The following MEI4 variants were observed in gnomAD, a reference collection of about 807,000 sequenced individuals.
MEI4 encodes the protein meiosis-specific protein MEI4.
In MEI4, 27 loss-of-function variants were observed where a neutral mutation model predicts 31.4. That is an observed-to-expected ratio of 0.86 (90% CI 0.63 to 1.19). The LOEUF is 1.19. Among genes scored for constraint, MEI4 ranks in the 50% most tolerant of loss-of-function variants. The probability of loss-of-function intolerance (pLI) is 0.00; values close to 1 mark genes in which losing one functional copy is unlikely to be tolerated. For synonymous variants in MEI4, 122 were observed against 145.4 expected, an observed-to-expected ratio of 0.84 and a Z score of 1.16; for missense variants, 329 against 398.9, an observed-to-expected ratio of 0.82 and a Z score of 1.49.
intron 3 of MEI4, among the ~76,000 whole-genome samples, chr6:77,771,665 C>G (rs778043971): frequency 6.6e-6 from 1 of 151,936 alleles, no homozygotes; most frequent in Non-Finnish European, 1.5e-5. Context: ...AGACCATTAT[C>G]CTTGGGAAAC....
At chr6:77,686,875 C>CTTTTTTTTTTTTTTTTTTTTTTTT (rs70974681) in intron 1 of MEI4, among the ~76,000 whole-genome samples, 3 of 132,484 alleles carry the variant, frequency 2.3e-5, no homozygotes, top group South Asian at 2.5e-4. Context: ...GTCTGTGGCT[C>CTTTTTTTTTTTTTTTTTTTTTTTT]TTTTTTTTTG....
intron 4 of MEI4, among the ~76,000 whole-genome samples, chr6:77,869,889 A>C: frequency 6.6e-6 from 1 of 152,150 alleles, no homozygotes; most frequent in East Asian, 1.9e-4. Flanking sequence ...GATGGGTAAA[A>C]GTGGGTACTC....
chr6:77,683,981 C>G (rs1769005596), intron 1 of MEI4, among the ~76,000 whole-genome samples: 2 of 152,110 alleles, frequency 1.3e-5, no homozygotes, highest in Admixed American at 1.3e-4. Flanking sequence ...AGATGTTGTA[C>G]TAATTTATAT....
At position 77,730,859 on chromosome 6, in the gene MEI4, T is replaced by C. The variant is rs188163795; in HGVS notation, c.233-30271T>C. Among the ~76,000 whole-genome samples, 167 of 147,578 alleles carry C rather than the reference T, an allele frequency of 1.1e-3. 3 individuals are homozygous for C. Among genetic ancestry groups the C allele is most frequent in the African/African-American group, 2.8e-3 (110 of 39,468 alleles). On this transcript the variant is annotated intron_variant, in intron 2 of 4. Transcript: ENST00000684080. ...GTTCTCATTGTTCAATTCCCGCCTA[T>C]GAGTGAGAATATGCAGTGTTTGGTT...
At chr6:77,819,694 A>G (rs1013980768) in intron 3 of MEI4, among the ~76,000 whole-genome samples, 4 of 152,176 alleles carry the variant, frequency 2.6e-5, no homozygotes, top group Admixed American at 6.5e-5. Context: ...AAGAGGCCCA[A>G]TAGCTAATTT....
Position 77,757,929 on chromosome 6 carries a change from G to A in MEI4, c.233-3201G>A, listed in dbSNP as rs567239340. On this transcript the variant is annotated intron_variant, in intron 2 of 4. Coordinates refer to ENST00000684080, the MANE Select transcript of MEI4 (RefSeq NM_001322247.2). ...TCCCAGCACTTTGGGAGGCCGAGGC[G>A]GGTGGATCACAGGGTCAAGAGATCG... is the stretch of plus-strand genomic sequence containing the variant. Among the ~76,000 whole-genome samples the A allele has an allele frequency of 8.5e-5, 13 of 152,056 alleles. No homozygotes were observed. The South Asian group carries it at 2.3e-3, about 27-fold the overall frequency.
At chr6:77,903,272 G>T (rs915187538) in intron 4 of MEI4, among the ~76,000 whole-genome samples, 12 of 152,064 alleles carry the variant, frequency 7.9e-5, no homozygotes, top group African/African-American at 2.9e-4. Context: ...TGCACAATCA[G>T]CACAAACACA....
chr6:77,905,570 C>T (rs189524846), intron 4 of MEI4, among the ~76,000 whole-genome samples: 1 of 144,568 alleles, frequency 6.9e-6, no homozygotes, highest in East Asian at 2.0e-4. Context: ...GATCTCAGCT[C>T]ACTGCAACCT....
chr6:77,740,122 C>T (rs985407315), intron 2 of MEI4, among the ~76,000 whole-genome samples: 9 of 152,124 alleles, frequency 5.9e-5, no homozygotes, highest in African/African-American at 2.2e-4. Flanking sequence ...GAGTTATTTT[C>T]TTATTCTTGA....
intron 3 of MEI4, among the ~76,000 whole-genome samples, chr6:77,764,265 T>G (rs1441195140): frequency 6.6e-6 from 1 of 152,212 alleles, no homozygotes; most frequent in Non-Finnish European, 1.5e-5. Flanking sequence ...ATATAATTGT[T>G]CATAATACTT....
At chr6:77,732,121 G>T (rs559425700) in intron 2 of MEI4, among the ~76,000 whole-genome samples, 1 of 151,038 alleles carries the variant, frequency 6.6e-6, no homozygotes, top group Non-Finnish European at 1.5e-5. Flanking sequence ...GCTCTTTTTT[G>T]GTTCCATATG....
intron 2 of MEI4, among the ~76,000 whole-genome samples, chr6:77,751,306 C>G (rs1296921243): frequency 1.3e-5 from 2 of 151,016 alleles, no homozygotes; most frequent in South Asian, 4.2e-4. Flanking sequence ...CAAAAAAAAA[C>G]CCTTGAAAAA....
At chr6:77,803,508 C>A (rs945085415) in intron 3 of MEI4, among the ~76,000 whole-genome samples, 3 of 152,214 alleles carry the variant, frequency 2.0e-5, no homozygotes, top group Non-Finnish European at 4.4e-5. Flanking sequence ...TATTCTGTTG[C>A]TGGTGAGGAA....
At chr6:77,776,288 G>A (rs1430271264) in intron 3 of MEI4, among the ~76,000 whole-genome samples, 1 of 151,282 alleles carries the variant, frequency 6.6e-6, no homozygotes, top group Non-Finnish European at 1.5e-5. Flanking sequence ...CTTTTTTTCT[G>A]CTTACTATAC....
chr6:77,850,775 A>C (rs1218785337), intron 4 of MEI4, among the ~76,000 whole-genome samples: 1 of 152,228 alleles, frequency 6.6e-6, no homozygotes, highest in Non-Finnish European at 1.5e-5. Context: ...CAAAAGCCAG[A>C]ATTGACAAAT....
At chr6:77,834,353 C>T (rs1427721161) in intron 4 of MEI4, among the ~76,000 whole-genome samples, 1 of 146,154 alleles carries the variant, frequency 6.8e-6, no homozygotes, top group Non-Finnish European at 1.5e-5. Context: ...CTGTTTTTGA[C>T]TGGTTTCTAG....
chr6:77,875,514 C>T (rs1771313059), intron 4 of MEI4, among the ~76,000 whole-genome samples: 1 of 152,150 alleles, frequency 6.6e-6, no homozygotes, highest in Admixed American at 6.6e-5. Context: ...TGTTTTAAAT[C>T]TCTGAAACCT....
chr6:77,871,626 G>T (rs1771195136), intron 4 of MEI4, among the ~76,000 whole-genome samples: 1 of 152,052 alleles, frequency 6.6e-6, no homozygotes, highest in African/African-American at 2.4e-5. Context: ...AGGATCATTT[G>T]TACTCCAAAC....
At chr6:77,841,333 ATTTTT>A (rs1239589008) in intron 4 of MEI4, among the ~76,000 whole-genome samples, 3 of 27,732 alleles carry the variant, frequency 1.1e-4, no homozygotes, top group South Asian at 1.2e-3. Context: ...ATATATATAT[ATTTTT>A]TTTTTTTTTT....
Sources: gnomAD v4.1 joint callset for allele counts (sites outside exome capture counted in the v4.1 genomes callset) on GRCh38, gnomAD v4.1.1 for gene constraint, MANE v1.5 for transcripts, NCBI Gene and HGNC (gene_info 2026-07-23, HGNC 2026-07-21) for gene names.